OR14A2: variants seen among roughly 807,000 people sequenced by gnomAD.
OR14A2 encodes the protein olfactory receptor family 14 subfamily A member 2, also known as olfactory receptor 14A2.
For missense variants in OR14A2, 237 were observed against 152.9 expected (o/e 1.55, Z -2.90); for synonymous variants, 114 against 58.6 (o/e 1.95, Z -4.32).
exon 1 of OR14A2, chr1:247,723,839 C>T (rs924730380): frequency 2.8e-6 from 2 of 717,686 alleles, no homozygotes; most frequent in African/African-American, 3.5e-5. Flanking sequence ...ACCAGGAAGA[C>T]ATCCAAAAAG....
At chr1:247,738,534 A>G in the OR14A2 span, 1 of 663,572 alleles carries the variant, frequency 1.5e-6, no homozygotes, top group African/African-American at 1.8e-5. Flanking sequence ...CATTCAACAA[A>G]TGAAGAAACA....
At chr1:247,744,708 T>G in the OR14A2 span, among the ~76,000 whole-genome samples, 1 of 152,218 alleles carries the variant, frequency 6.6e-6, no homozygotes, top group Admixed American at 6.5e-5. The surrounding 1 kb of genome is among the most constrained non-coding windows in gnomAD (Gnocchi z 4.3). Context: ...TTGTTCTTTT[T>G]AAATCTAACC....
At chr1:247,742,926 A>G in the OR14A2 span, among the ~76,000 whole-genome samples, 1 of 152,208 alleles carries the variant, frequency 6.6e-6, no homozygotes, top group Non-Finnish European at 1.5e-5. Flanking sequence ...TATGCTATCA[A>G]ATATGGCACC....
chr1:247,727,701 GA>G (rs1448229649), upstream of OR14A2, among the ~76,000 whole-genome samples: 1 of 147,640 alleles, frequency 6.8e-6, no homozygotes, highest in African/African-American at 2.6e-5. Context: ...AAAAAAGAGA[GA>G]AGAATCAAAT....
chr1:247,739,237 G>A, the OR14A2 span: 1 of 780,706 alleles, frequency 1.3e-6, no homozygotes, highest in African/African-American at 1.7e-5. Flanking sequence ...GCATTTTCAT[G>A]TTTAGTTTGC....
upstream of OR14A2, among the ~76,000 whole-genome samples, chr1:247,724,279 G>A (rs1029442604): frequency 6.6e-6 from 1 of 151,824 alleles, no homozygotes; most frequent in Admixed American, 6.6e-5. Flanking sequence ...TAGACTTTAT[G>A]AGTTTTACCT....
upstream of OR14A2, among the ~76,000 whole-genome samples, chr1:247,724,964 G>T (rs1442922997): frequency 6.6e-6 from 1 of 151,606 alleles, no homozygotes; most frequent in Non-Finnish European, 1.5e-5. Context: ...TTATTGAAAA[G>T]ATCAAAAAAA....
the OR14A2 span, among the ~76,000 whole-genome samples, chr1:247,731,537 C>G: frequency 6.6e-6 from 1 of 151,860 alleles, no homozygotes; most frequent in Admixed American, 6.6e-5. Flanking sequence ...AAAATATTGG[C>G]CATTATATCT....
At chr1:247,739,613 C>G in the OR14A2 span, 1 of 687,626 alleles carries the variant, frequency 1.5e-6, no homozygotes, top group Non-Finnish European at 2.7e-6. Context: ...CTGCCATCCA[C>G]TAGCTGTTTA....
chr1:247,737,850 A>C, the OR14A2 span, among the ~76,000 whole-genome samples: 2 of 152,192 alleles, frequency 1.3e-5, no homozygotes, highest in Admixed American at 1.3e-4. Context: ...GGTTAGATGC[A>C]GTAGATATCC....
At chr1:247,733,960 T>C in the OR14A2 span, among the ~76,000 whole-genome samples, 1 of 152,156 alleles carries the variant, frequency 6.6e-6, no homozygotes, top group Non-Finnish European at 1.5e-5. Context: ...GAAGGTTGCA[T>C]GATAAAAATA....
At chr1:247,738,589 C>G in the OR14A2 span, 1 of 752,970 alleles carries the variant, frequency 1.3e-6, no homozygotes, top group Non-Finnish European at 2.5e-6. Context: ...TTCCTTTACT[C>G]CATAGGGCGC....
the OR14A2 span, among the ~76,000 whole-genome samples, chr1:247,742,719 A>T: frequency 2.0e-5 from 3 of 152,346 alleles, no homozygotes; most frequent in African/African-American, 7.2e-5. Context: ...TTTTCCATTT[A>T]CAAATTTAGG....
At chr1:247,745,400 A>G in the OR14A2 span, among the ~76,000 whole-genome samples, 1 of 148,138 alleles carries the variant, frequency 6.8e-6, no homozygotes, top group African/African-American at 2.6e-5. Flanking sequence ...AAAAAAAAAT[A>G]GAAAGATGTC....
chr1:247,747,587 C>T, the OR14A2 span, among the ~76,000 whole-genome samples: 1 of 152,054 alleles, frequency 6.6e-6, no homozygotes, highest in Non-Finnish European at 1.5e-5. Flanking sequence ...TGGTCTCGAT[C>T]TCCTGACCTC....
the OR14A2 span, chr1:247,739,160 A>G: frequency 3.8e-6 from 3 of 780,786 alleles, no homozygotes; most frequent in Non-Finnish European, 7.2e-6. Flanking sequence ...TCCCTGCCCT[A>G]CTAAAGCTCA....
the OR14A2 span, chr1:247,739,123 A>T: frequency 2.6e-6 from 2 of 780,796 alleles, no homozygotes; most frequent in Non-Finnish European, 4.8e-6. Flanking sequence ...TATGGCTCTG[A>T]TGAGCTACAT....
At chr1:247,734,527 C>A in the OR14A2 span, among the ~76,000 whole-genome samples, 1 of 152,062 alleles carries the variant, frequency 6.6e-6, no homozygotes, top group South Asian at 2.1e-4. Flanking sequence ...ACTGAAATAA[C>A]AAAATGTTTC....
chr1:247,739,506 G>C, the OR14A2 span: 1 of 780,760 alleles, frequency 1.3e-6, no homozygotes, highest in Non-Finnish European at 2.4e-6. Context: ...CATTAAATCC[G>C]CTCTGAGTAA....
Sources: allele counts gnomAD v4.1 joint callset (sites outside exome capture counted in the v4.1 genomes callset), GRCh38; gene constraint gnomAD v4.1.1; non-coding constraint Gnocchi (gnomAD v3.1); transcripts MANE v1.5; gene names NCBI Gene and HGNC (gene_info 2026-07-23, HGNC 2026-07-21).